Variants in AIMP1 observed in about 807,000 individuals in gnomAD.
The protein encoded by AIMP1 is aminoacyl tRNA synthase complex-interacting multifunctional protein 1.
In AIMP1, 24 loss-of-function variants were observed where a neutral mutation model predicts 33.1. The observed-to-expected ratio is 0.73, with a 90% CI of 0.53 to 1.02. The LOEUF is 1.02. Ranked by LOEUF, AIMP1 falls within the 50% of genes least tolerant of loss-of-function variation. AIMP1 has a pLI of 0.00. For missense variants in AIMP1, 367 were observed against 364.8 expected (o/e 1.01, Z -0.05); for synonymous variants, 120 against 121.5 (o/e 0.99, Z 0.08).
rs1405941654 is a variant in AIMP1 at position 106,347,762 on chromosome 4, A to T, written c.*70A>T. On this transcript the variant is annotated 3_prime_UTR_variant, in exon 7 of 7. Transcript: ENST00000672341. Reference sequence around the variant, plus strand: ...ATAAAGAGAAATATATTTGTCACTTATACCTAAAATATGAGTGGCTCATTT... The same window carrying T: ...ATAAAGAGAAATATATTTGTCACTTTTACCTAAAATATGAGTGGCTCATTT... The T allele has an allele frequency of 1.9e-5, 28 of 1,511,820 alleles. No individual in the cohort carries two copies. Among genetic ancestry groups the T allele is most frequent in the Non-Finnish European group, 2.5e-5 (28 of 1,113,762 alleles). The allele number at this position is 1,511,820 out of a possible 1,614,324, so 93.7% of individuals were successfully genotyped here. A position where few individuals can be genotyped will look rare whatever the true frequency, so the allele number is the denominator to read the frequency against.
intron 5 of AIMP1, among the ~76,000 whole-genome samples, chr4:106,333,528 G>A (rs1490115471): frequency 2.0e-5 from 3 of 152,066 alleles, no homozygotes; most frequent in Non-Finnish European, 4.4e-5. Flanking sequence ...GTGAAGTTTG[G>A]GTTTTAAGTG....
intron 1 of AIMP1, among the ~76,000 whole-genome samples, chr4:106,322,086 A>G (rs961286229): frequency 6.6e-6 from 1 of 152,178 alleles, no homozygotes; most frequent in African/African-American, 2.4e-5. Flanking sequence ...GCTTGAAGGC[A>G]GCATGCTCCT....
Position 106,347,670 on chromosome 4 carries a change from T to C in AIMP1, c.917T>C (p.Met306Thr), listed in dbSNP as rs564105201. 1.9e-6 allele frequency: 3 copies of C among 1,613,070 alleles called. No homozygotes were observed. The highest frequency in any genetic ancestry group is 1.1e-5 in the South Asian group (1 of 91,032). ...AAGGGAGTATGTAGGGCTCAAACCA[T>C]GAGCAACAGTGGAATCAAATAAAAT... Reference protein sequence around the residue: ...KGKGVCRAQTMSNSGIK With the variant: ...KGKGVCRAQTTSNSGIK The change falls in exon 7 of 7, where the codon ATG becomes ACG. Residue 306 changes from methionine (M) to threonine (T), a missense_variant. Coordinates refer to ENST00000672341, the MANE Select transcript of AIMP1 (RefSeq NM_001142416.2).
chr4:106,321,789 G>T (rs1226040292), intron 1 of AIMP1, among the ~76,000 whole-genome samples: 1 of 152,252 alleles, frequency 6.6e-6, no homozygotes, highest in South Asian at 2.1e-4. Context: ...AGAGAGATCA[G>T]ATTGTTACTG....
intron 1 of AIMP1, chr4:106,316,838 C>T: frequency 2.1e-6 from 1 of 484,476 alleles, no homozygotes; most frequent in Admixed American, 3.4e-5. Context: ...AAATATCGAT[C>T]CCTAAGCGTA....
At chr4:106,323,786 C>G (rs1351943720) in intron 1 of AIMP1, among the ~76,000 whole-genome samples, 1 of 151,994 alleles carries the variant, frequency 6.6e-6, no homozygotes, top group South Asian at 2.1e-4. Context: ...GCAAGTTTTA[C>G]ATCTCTAGCA....
At chr4:106,343,972 A>C (rs975558395) in intron 6 of AIMP1, among the ~76,000 whole-genome samples, 1 of 152,014 alleles carries the variant, frequency 6.6e-6, no homozygotes, top group Non-Finnish European at 1.5e-5. Flanking sequence ...CCTCTTGAAA[A>C]CCCATTTTAA....
At chr4:106,315,767 C>G (rs1248912950), upstream of AIMP1, 1 of 152,358 alleles carries the variant, frequency 6.6e-6, no homozygotes, top group Non-Finnish European at 1.5e-5. Flanking sequence ...GAAAGGCGGG[C>G]TGTAGCTAGG....
intron 1 of AIMP1, among the ~76,000 whole-genome samples, chr4:106,319,553 A>T (rs936084798): frequency 1.3e-5 from 2 of 152,182 alleles, no homozygotes; most frequent in Admixed American, 1.3e-4. Context: ...CTTTTGTCCT[A>T]AAAAATGCAT....
chr4:106,328,735 C>T (rs903844072), intron 4 of AIMP1, among the ~76,000 whole-genome samples: 1 of 152,176 alleles, frequency 6.6e-6, no homozygotes, highest in Admixed American at 6.5e-5. Context: ...TAGTCATCAA[C>T]CTTAACCTGT....
At chr4:106,329,772 CTTTTTTTTTTTTTTT>C (rs59016309) in intron 4 of AIMP1, among the ~76,000 whole-genome samples, 2,352 of 53,244 alleles carry the variant, frequency 0.044, 282 homozygotes, top group Admixed American at 0.32. Context: ...TGCTACATAT[CTTTTTTTTTTTTTTT>C]TTTTTTTTTT....
chr4:106,327,329 A>C (rs1769490069), intron 2 of AIMP1, 122 bp from the exon 3 acceptor site: 1 of 685,916 alleles, frequency 1.5e-6, no homozygotes. Context: ...CTGGCCAAAC[A>C]TTTGGTTACA....
intron 6 of AIMP1, among the ~76,000 whole-genome samples, chr4:106,339,928 T>G (rs1035684032): frequency 2.0e-5 from 3 of 152,216 alleles, no homozygotes; most frequent in African/African-American, 7.2e-5. Context: ...TATTGCCTGT[T>G]TTCTCTAATA....
At chr4:106,343,358 G>A (rs953692163) in intron 6 of AIMP1, among the ~76,000 whole-genome samples, 11 of 152,052 alleles carry the variant, frequency 7.2e-5, no homozygotes, top group South Asian at 2.1e-4. Context: ...AAAATTCTCC[G>A]TTAACTGTGT....
At chr4:106,323,574 A>G (rs1343840390) in intron 1 of AIMP1, among the ~76,000 whole-genome samples, 2 of 151,692 alleles carry the variant, frequency 1.3e-5, no homozygotes, top group Non-Finnish European at 1.5e-5. Flanking sequence ...AAAATATCTT[A>G]ATAGAAATGG....
chr4:106,340,102 G>A lies in AIMP1; in HGVS notation c.772+3065G>A, dbSNP rs192387553. ...AGAAAAACAGTTAGAAATTAAGACT[G>A]CATTTAAAGGATATTTATTTGACTA... On this transcript the variant is annotated intron_variant, in intron 6 of 6. Transcript: ENST00000672341. Among the ~76,000 whole-genome samples, 143 of 152,186 alleles carry A rather than the reference G, an allele frequency of 9.4e-4. 1 individual carries two copies. Among genetic ancestry groups the A allele is most frequent in the Non-Finnish European group, 2.5e-4 (17 of 68,002 alleles).
intron 6 of AIMP1, among the ~76,000 whole-genome samples, chr4:106,345,838 G>GAATATAAAATATA (rs1770276502): frequency 1.4e-5 from 2 of 147,904 alleles, no homozygotes; most frequent in South Asian, 4.2e-4. Context: ...GATGTCATCA[G>GAATATAAAATATA]AATATAAAAT....
intron 6 of AIMP1, 93 bp from the exon 7 acceptor site, chr4:106,347,433 A>T: frequency 7.9e-7 from 1 of 1,264,502 alleles, no homozygotes; most frequent in Non-Finnish European, 1.1e-6. Context: ...AAATGTTGCC[A>T]AAACAATTCA....
chr4:106,325,719 T>C (rs993359772), intron 2 of AIMP1, among the ~76,000 whole-genome samples: 21 of 152,090 alleles, frequency 1.4e-4, no homozygotes, highest in Non-Finnish European at 2.4e-4. Context: ...TGGTAGCCTA[T>C]ACTGGTAGTT....
Sources: allele counts gnomAD v4.1 joint callset (sites outside exome capture counted in the v4.1 genomes callset), GRCh38; gene constraint gnomAD v4.1.1; transcripts MANE v1.5; gene names NCBI Gene and HGNC (gene_info 2026-07-23, HGNC 2026-07-21).